The following ANKRD7 variants were observed in gnomAD, a reference collection of about 807,000 sequenced individuals.
ANKRD7 encodes the protein ankyrin repeat domain 7.
A neutral mutation model predicts 30.8 loss-of-function variants in ANKRD7; 30 were observed. The observed-to-expected ratio is 0.97, with a 90% CI of 0.73 to 1.32. ANKRD7 has a LOEUF of 1.32. Ranked by LOEUF, ANKRD7 falls within the 40% of genes most tolerant of loss-of-function variation. The pLI, the probability that ANKRD7 is intolerant of heterozygous loss-of-function variation, is 0.00. For synonymous variants in ANKRD7, 97 were observed against 106.6 expected (o/e 0.91, Z 0.55); for missense variants, 264 against 295.7 (o/e 0.89, Z 0.79).
At chr7:118,238,597 G>C (rs1223431786) in intron 5 of ANKRD7, among the ~76,000 whole-genome samples, 1 of 152,148 alleles carries the variant, frequency 6.6e-6, no homozygotes, top group Non-Finnish European at 1.5e-5. Context: ...TAGTAAAGTG[G>C]AAGCATAGAC....
intron 5 of ANKRD7, among the ~76,000 whole-genome samples, chr7:118,238,943 T>C (rs936442875): frequency 6.6e-6 from 1 of 152,188 alleles, no homozygotes; most frequent in African/African-American, 2.4e-5. Flanking sequence ...AAAGGGGTGA[T>C]TAAGTTAAAG....
At chr7:118,239,233 A>C (rs1809782635) in intron 5 of ANKRD7, among the ~76,000 whole-genome samples, 1 of 152,186 alleles carries the variant, frequency 6.6e-6, no homozygotes, top group African/African-American at 2.4e-5. Context: ...CTGTCAGATA[A>C]GCAGAGGCTT....
chr7:118,235,453 A>G (rs987674526), intron 3 of ANKRD7, among the ~76,000 whole-genome samples: 9 of 152,042 alleles, frequency 5.9e-5, no homozygotes, highest in Admixed American at 3.3e-4. Flanking sequence ...TCTACTAAAA[A>G]TACAAAAAAT....
chr7:118,239,362 G>T (rs905812699), intron 5 of ANKRD7, among the ~76,000 whole-genome samples: 7 of 152,132 alleles, frequency 4.6e-5, no homozygotes. Flanking sequence ...GTTTCATCCT[G>T]AAACACCCCT....
intron 5 of ANKRD7, 35 bp from the exon 6 acceptor site, chr7:118,239,874 T>C (rs759179242): frequency 7.1e-7 from 1 of 1,398,666 alleles, no homozygotes; most frequent in East Asian, 2.3e-5. Context: ...TAAATTTCTA[T>C]GCATGCTGGC....
intron 1 of ANKRD7, among the ~76,000 whole-genome samples, chr7:118,232,998 A>G (rs1168052851): frequency 1.3e-5 from 2 of 152,122 alleles, no homozygotes; most frequent in African/African-American, 2.4e-5. Context: ...CTCCTATTAC[A>G]TAAGGAATTT....
At chr7:118,226,406 C>T (rs749016127) in intron 1 of ANKRD7, among the ~76,000 whole-genome samples, 1 of 152,038 alleles carries the variant, frequency 6.6e-6, no homozygotes, top group Non-Finnish European at 1.5e-5. Context: ...TTTGACTCCC[C>T]CAGAACTTAA....
At chr7:118,228,216 C>T (rs1462942024) in intron 1 of ANKRD7, among the ~76,000 whole-genome samples, 1 of 152,078 alleles carries the variant, frequency 6.6e-6, no homozygotes, top group African/African-American at 2.4e-5. Flanking sequence ...TAAGGAATTC[C>T]ACCAGAAATG....
Position 118,240,800 on chromosome 7 carries a change from G to A in ANKRD7, c.*37+802G>A, listed in dbSNP as rs539993207. Among the ~76,000 whole-genome samples the A allele has an allele frequency of 1.3e-3, 200 of 152,124 alleles. 1 individual carries two copies. The Middle Eastern group carries it at 0.014, about 10-fold the overall frequency. ...AATTTTAAAGAAAGTAACAATATTT[G>A]TAAAGAATTGAATTTACTGTGCATC... On this transcript the variant is annotated intron_variant, in intron 6 of 6. Coordinates refer to ENST00000265224, the MANE Select transcript of ANKRD7 (RefSeq NM_019644.4).
intron 1 of ANKRD7, among the ~76,000 whole-genome samples, chr7:118,228,664 A>G (rs537895820): frequency 2.0e-5 from 3 of 152,278 alleles, no homozygotes; most frequent in African/African-American, 7.2e-5. Context: ...TTGTCTTTCA[A>G]TTGCTTAAGG....
At chr7:118,231,499 A>G (rs980845689) in intron 1 of ANKRD7, among the ~76,000 whole-genome samples, 2 of 152,066 alleles carry the variant, frequency 1.3e-5, no homozygotes, top group Non-Finnish European at 2.9e-5. Context: ...AGTGTGAGTT[A>G]GCTTCCTTGG....
intron 6 of ANKRD7, 150 bp downstream of exon 6, chr7:118,240,148 CTTTT>C (rs1460422247): frequency 2.3e-5 from 6 of 260,078 alleles, no homozygotes; most frequent in Admixed American, 1.6e-4. Context: ...AAGAACTATT[CTTTT>C]TTATTTATTT....
intron 1 of ANKRD7, among the ~76,000 whole-genome samples, chr7:118,227,703 G>A (rs181543627): frequency 5.5e-4 from 84 of 152,128 alleles, no homozygotes; most frequent in East Asian, 3.1e-3. Flanking sequence ...CACTTGCTGC[G>A]AAAATTAATA....
rs1038065459 is a variant in ANKRD7 at position 118,242,184 on chromosome 7, G to A, written c.*38-165G>A. On this transcript the variant is annotated intron_variant, in intron 6 of 6. Coordinates refer to ENST00000265224, the MANE Select transcript of ANKRD7 (RefSeq NM_019644.4). The stretch of plus-strand genomic sequence containing the variant: ...GGTGAACATAAAAAGTTATATTTCT[G>A]TCAAATTCAAAAGAGACTACTTAAT... Among the ~76,000 whole-genome samples the A allele has an allele frequency of 8.5e-5, 13 of 152,210 alleles. 1 individual carries two copies. Among genetic ancestry groups the A allele is most frequent in the African/African-American group, 3.1e-4 (13 of 41,534 alleles).
At chr7:118,228,229 T>C (rs571429277) in intron 1 of ANKRD7, among the ~76,000 whole-genome samples, 99 of 152,264 alleles carry the variant, frequency 6.5e-4, no homozygotes, top group South Asian at 3.9e-3. Flanking sequence ...CAGAAATGAT[T>C]CTCTCTCTAC....
rs1448624412 is a variant in ANKRD7 at position 118,236,827 on chromosome 7, T to C, written c.613T>C (p.Cys205Arg). The part of the protein sequence containing the change: ...LILAVSGEPP[C>R]LVKLLLQQGV... ...TCTTGCTGTCAGTGGTGAACCACCATGTTTAGTAAAGCTTCTTCTTCAGCA... is the reference window on the plus strand; with the variant it reads ...TCTTGCTGTCAGTGGTGAACCACCACGTTTAGTAAAGCTTCTTCTTCAGCA... The change falls in exon 5 of 7, where the codon TGT becomes CGT. Residue 205 changes from cysteine (C) to arginine (R), a missense_variant. Transcript: ENST00000265224. 6.2e-7 allele frequency: 1 copy of C among 1,613,890 alleles called. No homozygotes were observed. Among genetic ancestry groups the C allele is most frequent in the Non-Finnish European group, 8.5e-7 (1 of 1,179,924 alleles).
At chr7:118,237,202 T>C (rs866236668) in intron 5 of ANKRD7, among the ~76,000 whole-genome samples, 41 of 152,180 alleles carry the variant, frequency 2.7e-4, no homozygotes, top group African/African-American at 9.4e-4. Flanking sequence ...ATAAAACATA[T>C]AGGTGATAGA....
intron 1 of ANKRD7, 80 bp downstream of exon 1, chr7:118,225,089 G>T (rs959999400): frequency 6.8e-7 from 1 of 1,480,294 alleles, no homozygotes; most frequent in African/African-American, 1.4e-5. Flanking sequence ...AGTGGGGGCT[G>T]TTTGACACTG....
intron 1 of ANKRD7, among the ~76,000 whole-genome samples, chr7:118,228,796 T>A (rs1479278602): frequency 1.3e-5 from 2 of 152,184 alleles, no homozygotes; most frequent in Non-Finnish European, 2.9e-5. Flanking sequence ...GCCACCTTTA[T>A]AAGTACTACC....
Sources: gnomAD v4.1 joint callset for allele counts (sites outside exome capture counted in the v4.1 genomes callset) on GRCh38, gnomAD v4.1.1 for gene constraint, MANE v1.5 for transcripts, NCBI Gene and HGNC (gene_info 2026-07-23, HGNC 2026-07-21) for gene names.